TLE4: variants seen among roughly 807,000 people sequenced by gnomAD.
TLE4 encodes TLE family member 4, transcriptional corepressor.
TLE4 carries 8 observed loss-of-function variants against 92.8 expected under a neutral mutation model. That is an observed-to-expected ratio of 0.09 (90% CI 0.05 to 0.16). The LOEUF (loss-of-function observed/expected upper bound fraction) is 0.16, where lower values mean the gene tolerates loss of function less well. TLE4 is among the 10% of genes least tolerant of loss of function. The pLI, the probability that TLE4 is intolerant of heterozygous loss-of-function variation, is 1.00. For synonymous variants in TLE4, 371 were observed against 374.1 expected (o/e 0.99, Z 0.10); for missense variants, 675 against 997.6 (o/e 0.68, Z 4.36).
chr9:79,577,295 T>A (rs528805689), intron 4 of TLE4, among the ~76,000 whole-genome samples: 1 of 152,204 alleles, frequency 6.6e-6, no homozygotes, highest in Non-Finnish European at 1.5e-5. Flanking sequence ...AGTAGATCTT[T>A]AAGAGATGGC....
chr9:79,592,485 A>G (rs2042957801), intron 4 of TLE4, among the ~76,000 whole-genome samples: 1 of 151,914 alleles, frequency 6.6e-6, no homozygotes, highest in African/African-American at 2.4e-5. Context: ...CTTGTTGCCC[A>G]GGCTAATCTC....
chr9:79,609,286 G>A (rs768055110), intron 4 of TLE4, among the ~76,000 whole-genome samples: 9 of 152,120 alleles, frequency 5.9e-5, no homozygotes, highest in Non-Finnish European at 1.0e-4. Flanking sequence ...TTAGCCTGTT[G>A]ACAGTCACAT....
chr9:79,638,053 G>T (rs2056344080), intron 6 of TLE4, among the ~76,000 whole-genome samples: 1 of 152,256 alleles, frequency 6.6e-6, no homozygotes, highest in South Asian at 2.1e-4. Flanking sequence ...CACATTCTAG[G>T]ATGGTTGTTC....
chr9:79,638,536 A>G (rs574376000), intron 6 of TLE4, among the ~76,000 whole-genome samples: 110 of 151,780 alleles, frequency 7.2e-4, no homozygotes, highest in Non-Finnish European at 1.4e-3. Context: ...GACCCTTGTG[A>G]TTCTCATGCT....
At chr9:79,596,635 A>C (rs1031350034) in intron 4 of TLE4, among the ~76,000 whole-genome samples, 4 of 109,912 alleles carry the variant, frequency 3.6e-5, no homozygotes, top group Non-Finnish European at 5.9e-5. Context: ...ATTGAGAGAC[A>C]GAAAGAGCCC....
chr9:79,598,075 GAA>G (rs748860967), intron 4 of TLE4, among the ~76,000 whole-genome samples: 24 of 65,742 alleles, frequency 3.7e-4, no homozygotes, highest in South Asian at 1.3e-3. Flanking sequence ...TACTGAAAAA[GAA>G]AAAAAAAAAA....
chr9:79,696,714 A>G (rs1398035864), intron 8 of TLE4, among the ~76,000 whole-genome samples: 1 of 152,206 alleles, frequency 6.6e-6, no homozygotes, highest in African/African-American at 2.4e-5. Flanking sequence ...AGTTACTAAA[A>G]TGAAGATTCT....
chr9:79,715,937 C>G (rs1372038734), intron 14 of TLE4, among the ~76,000 whole-genome samples: 1 of 152,176 alleles, frequency 6.6e-6, no homozygotes, highest in African/African-American at 2.4e-5. Context: ...CAGAGTGCTC[C>G]ACGTTCTATT....
At chr9:79,655,486 T>C (rs137873359) in intron 8 of TLE4, among the ~76,000 whole-genome samples, 123 of 152,354 alleles carry the variant, frequency 8.1e-4, no homozygotes, top group African/African-American at 2.8e-3. Flanking sequence ...AAATAAAACT[T>C]GAGCCTATCT....
intron 8 of TLE4, among the ~76,000 whole-genome samples, chr9:79,700,669 C>T (rs1306201309): frequency 6.6e-6 from 1 of 151,450 alleles, no homozygotes; most frequent in Non-Finnish European, 1.5e-5. Context: ...TCCTTGTTTT[C>T]CTGCTCTTTT....
At chr9:79,606,187 G>GGTTTT in intron 4 of TLE4, among the ~76,000 whole-genome samples, 1 of 28,674 alleles carries the variant, frequency 3.5e-5, no homozygotes, top group Non-Finnish European at 6.4e-5. Flanking sequence ...AGTAGTAGTT[G>GGTTTT]TTTTTTTTTT....
chr9:79,689,466 C>T (rs753771689), intron 8 of TLE4, among the ~76,000 whole-genome samples: 16 of 152,094 alleles, frequency 1.1e-4, no homozygotes, highest in Non-Finnish European at 2.4e-4. Flanking sequence ...GGGCAATTAT[C>T]TCATAATGCC....
chr9:79,708,360 G>A (rs1266699506), intron 12 of TLE4, 110 bp downstream of exon 12: 14 of 1,308,886 alleles, frequency 1.1e-5, no homozygotes, highest in African/African-American at 1.5e-5. Context: ...TTGAATGGCT[G>A]TTAGACAAAG....
At chr9:79,704,645 T>C in intron 8 of TLE4, 138 bp from the exon 9 acceptor site, 4 of 1,154,730 alleles carry the variant, frequency 3.5e-6, no homozygotes, top group Non-Finnish European at 4.8e-6. Flanking sequence ...TCTCCTCCGC[T>C]TTCTCCTATC....
chr9:79,684,690 C>T (rs925200085), intron 8 of TLE4, among the ~76,000 whole-genome samples: 1 of 152,158 alleles, frequency 6.6e-6, no homozygotes, highest in Non-Finnish European at 1.5e-5. Context: ...GTCTTCAGCT[C>T]AACTGACCAG....
At chr9:79,604,618 A>G (rs938181402) in intron 4 of TLE4, among the ~76,000 whole-genome samples, 3 of 152,150 alleles carry the variant, frequency 2.0e-5, no homozygotes, top group Admixed American at 2.0e-4. Flanking sequence ...TTCCTGAAAA[A>G]CAGAGAAAAG....
chr9:79,601,440 T>A (rs1374251057), intron 4 of TLE4: 1 of 456,050 alleles, frequency 2.2e-6, no homozygotes, highest in Non-Finnish European at 4.4e-6. Flanking sequence ...AATTGAAGGC[T>A]GTAGCAACCC....
intron 6 of TLE4, among the ~76,000 whole-genome samples, chr9:79,644,234 G>T (rs2057704432): frequency 6.6e-6 from 1 of 152,032 alleles, no homozygotes; most frequent in Non-Finnish European, 1.5e-5. Context: ...TCTGCTTCCT[G>T]CTGCCACGTG....
intron 6 of TLE4, among the ~76,000 whole-genome samples, chr9:79,631,983 GT>G (rs1016332219): frequency 6.6e-6 from 1 of 151,936 alleles, no homozygotes; most frequent in African/African-American, 2.4e-5. Flanking sequence ...AAAAATTTAC[GT>G]TTTTTTACAA....
Sources: allele counts gnomAD v4.1 joint callset (sites outside exome capture counted in the v4.1 genomes callset), GRCh38; gene constraint gnomAD v4.1.1; transcripts MANE v1.5; gene names NCBI Gene and HGNC (gene_info 2026-07-23, HGNC 2026-07-21).